The following OR2L13 variants were observed in gnomAD, a reference collection of about 807,000 sequenced individuals.
OR2L13 encodes olfactory receptor family 2 subfamily L member 13, also known as olfactory receptor 2L13.
A neutral mutation model predicts 15.3 loss-of-function variants in OR2L13; 14 were observed. The ratio of observed to expected loss-of-function variants is 0.91; its 90% CI spans 0.60 to 1.43. The LOEUF (loss-of-function observed/expected upper bound fraction) is 1.43. Among genes scored for constraint, OR2L13 ranks in the 40% most tolerant of loss-of-function variants. OR2L13 has a pLI of 0.00. For synonymous variants in OR2L13, 152 were observed against 142.9 expected, an observed-to-expected ratio of 1.06 and a Z score of -0.45; for missense variants, 367 against 387.9, an observed-to-expected ratio of 0.95 and a Z score of 0.45.
chr1:248,032,321 A>G, the OR2L13 span, among the ~76,000 whole-genome samples: 2 of 152,166 alleles, frequency 1.3e-5, no homozygotes, highest in African/African-American at 4.8e-5. Context: ...TATTTCATAC[A>G]TGAGATAATA....
chr1:247,966,235 C>A, the OR2L13 span: 1 of 1,613,234 alleles, frequency 6.2e-7, no homozygotes, highest in Non-Finnish European at 8.5e-7. Context: ...TCTACTGAAC[C>A]CATTTATCTA....
the OR2L13 span, among the ~76,000 whole-genome samples, chr1:247,976,193 T>TACA: frequency 6.6e-6 from 1 of 152,220 alleles, no homozygotes; most frequent in African/African-American, 2.4e-5. Flanking sequence ...AGAGATTCTA[T>TACA]AGGAGTTACA....
the OR2L13 span, among the ~76,000 whole-genome samples, chr1:248,060,050 A>C: frequency 6.6e-6 from 1 of 152,142 alleles, no homozygotes; most frequent in Non-Finnish European, 1.5e-5. Flanking sequence ...CAAAAAAAAA[A>C]AAAGTATAAA....
At chr1:248,012,273 A>C in the OR2L13 span, among the ~76,000 whole-genome samples, 1 of 152,106 alleles carries the variant, frequency 6.6e-6, no homozygotes, top group South Asian at 2.1e-4. Flanking sequence ...TGCTTCTCTG[A>C]CACAGGCCAC....
chr1:248,065,629 C>T, the OR2L13 span, among the ~76,000 whole-genome samples: 6 of 143,028 alleles, frequency 4.2e-5, no homozygotes, highest in Non-Finnish European at 6.1e-5. Context: ...GTTCCCCTTC[C>T]TGTGTCCATG....
chr1:248,063,978 A>G, the OR2L13 span, among the ~76,000 whole-genome samples: 11,836 of 152,222 alleles, frequency 0.078, 711 homozygotes, highest in Admixed American at 0.21. Context: ...AAATATTCCA[A>G]TGATAACAGC....
the OR2L13 span, among the ~76,000 whole-genome samples, chr1:247,984,245 A>G: frequency 6.6e-6 from 1 of 150,918 alleles, no homozygotes; most frequent in African/African-American, 2.4e-5. Flanking sequence ...TATTATTATT[A>G]TTATTATTAT....
At chr1:247,960,366 C>T in the OR2L13 span, among the ~76,000 whole-genome samples, 1 of 152,188 alleles carries the variant, frequency 6.6e-6, no homozygotes, top group East Asian at 1.9e-4. Flanking sequence ...GGGTGCCTCC[C>T]ATTTAGGCTA....
the OR2L13 span, among the ~76,000 whole-genome samples, chr1:247,987,866 A>G: frequency 6.6e-6 from 1 of 152,092 alleles, no homozygotes; most frequent in Non-Finnish European, 1.5e-5. Context: ...GGTTGACAAC[A>G]TCATCTCATC....
the OR2L13 span, among the ~76,000 whole-genome samples, chr1:247,968,479 T>C: frequency 6.6e-6 from 1 of 152,006 alleles, no homozygotes; most frequent in Non-Finnish European, 1.5e-5. Context: ...TTTCTCCTAG[T>C]GCTATCCTTC....
the OR2L13 span, among the ~76,000 whole-genome samples, chr1:247,967,045 C>CCACACACA: frequency 8.8e-5 from 13 of 147,510 alleles, no homozygotes; most frequent in African/African-American, 1.2e-4. Context: ...ACACCACACA[C>CCACACACA]CACACACACA....
the OR2L13 span, among the ~76,000 whole-genome samples, chr1:248,016,575 G>A: frequency 2.0e-5 from 3 of 151,954 alleles, no homozygotes; most frequent in Non-Finnish European, 2.9e-5. Context: ...TAATGATTAT[G>A]TATTTCAGTA....
chr1:248,090,225 G>A (rs891989904), upstream of OR2L13, among the ~76,000 whole-genome samples: 20 of 152,086 alleles, frequency 1.3e-4, no homozygotes, highest in Non-Finnish European at 2.2e-4. Context: ...CTGTGGACTT[G>A]GGGTGTGCCA....
the OR2L13 span, among the ~76,000 whole-genome samples, chr1:248,059,481 G>T: frequency 1.3e-4 from 20 of 152,078 alleles, no homozygotes; most frequent in Non-Finnish European, 2.2e-4. Context: ...TAACCTATTT[G>T]GTAAGGCATC....
the OR2L13 span, among the ~76,000 whole-genome samples, chr1:248,059,468 G>T: frequency 6.6e-6 from 1 of 152,142 alleles, no homozygotes; most frequent in African/African-American, 2.4e-5. Flanking sequence ...AAGACAAAAT[G>T]TGTAACCTAT....
chr1:248,032,227 C>G, the OR2L13 span, among the ~76,000 whole-genome samples: 1 of 151,890 alleles, frequency 6.6e-6, no homozygotes. Flanking sequence ...CAGAAACTTG[C>G]CTGAATTTTC....
chr1:248,019,916 T>C, the OR2L13 span, among the ~76,000 whole-genome samples: 1 of 152,066 alleles, frequency 6.6e-6, no homozygotes, highest in Non-Finnish European at 1.5e-5. Flanking sequence ...CCTCCCCAAG[T>C]AGCTGGGACT....
chr1:247,940,729 TGC>T, the OR2L13 span, among the ~76,000 whole-genome samples: 8 of 48,102 alleles, frequency 1.7e-4, no homozygotes, highest in Admixed American at 1.3e-3. Flanking sequence ...TGTGCATACG[TGC>T]GTGTGTGTGT....
the OR2L13 span, among the ~76,000 whole-genome samples, chr1:248,085,562 A>T: frequency 5.3e-5 from 8 of 150,644 alleles, no homozygotes; most frequent in African/African-American, 7.3e-5. Context: ...TTTAGGAAGT[A>T]TGTGAAATAA....
Sources: gnomAD v4.1 joint callset for allele counts (sites outside exome capture counted in the v4.1 genomes callset) on GRCh38, gnomAD v4.1.1 for gene constraint, MANE v1.5 for transcripts, NCBI Gene and HGNC (gene_info 2026-07-23, HGNC 2026-07-21) for gene names.